Variants in KIF5B observed in about 807,000 individuals in gnomAD.
KIF5B encodes kinesin-1 heavy chain.
Under a neutral mutation model 132.8 loss-of-function variants are expected in KIF5B, and 49 were observed. The observed-to-expected ratio is 0.37, with a 90% CI of 0.29 to 0.47. The LOEUF (loss-of-function observed/expected upper bound fraction) is 0.47. KIF5B is among the 20% of genes least tolerant of loss of function. The probability of loss-of-function intolerance (pLI) is 1.00; values close to 1 mark genes in which losing one functional copy is unlikely to be tolerated. For missense variants in KIF5B, 780 were observed against 1,144.0 expected, an observed-to-expected ratio of 0.68 and a Z score of 4.59; for synonymous variants, 355 against 369.4, an observed-to-expected ratio of 0.96 and a Z score of 0.45.
chr10:32,041,794 A>G (rs1841542697), intron 2 of KIF5B, among the ~76,000 whole-genome samples: 2 of 151,994 alleles, frequency 1.3e-5, no homozygotes, highest in African/African-American at 4.8e-5. Flanking sequence ...GGCTAATTCT[A>G]AAAAAAATTT....
rs1311263702 is a variant in KIF5B at position 32,022,750 on chromosome 10, T to C, written c.1914+98A>G. ...AGACTAGGAAAAAAACAACTAAATTTCACCTATAGACACACATTTTTCTGA... is the reference window on the plus strand; with the variant it reads ...AGACTAGGAAAAAAACAACTAAATTCCACCTATAGACACACATTTTTCTGA... On this transcript the variant is annotated intron_variant, in intron 16 of 25. Coordinates refer to ENST00000302418, the MANE Select transcript of KIF5B (RefSeq NM_004521.3). The C allele has an allele frequency of 7.3e-6, 6 of 817,316 alleles. No homozygotes were observed. The African/African-American group carries it at 1.0e-4, about 14-fold the overall frequency. 50.6% of individuals were successfully genotyped at this position (817,316 alleles called of 1,614,324 possible).
At chr10:32,043,592 A>G (rs1371758466) in intron 2 of KIF5B, among the ~76,000 whole-genome samples, 1 of 152,238 alleles carries the variant, frequency 6.6e-6, no homozygotes, top group African/African-American at 2.4e-5. Context: ...CAAAGACCTG[A>G]TGAGATGCTT....
At chr10:32,052,236 G>C (rs943939591) in intron 1 of KIF5B, among the ~76,000 whole-genome samples, 1 of 152,178 alleles carries the variant, frequency 6.6e-6, no homozygotes, top group Non-Finnish European at 1.5e-5. Flanking sequence ...TATTATATTA[G>C]ATTTTCCTTA....
chr10:32,052,887 G>C (rs543818165), intron 1 of KIF5B, among the ~76,000 whole-genome samples: 1 of 152,146 alleles, frequency 6.6e-6, no homozygotes, highest in East Asian at 1.9e-4. Context: ...GCCTGCCATG[G>C]TGTCATATTA....
rs764762832 is a variant in KIF5B, at chr10:32,031,128, A to G, written c.1526T>C (p.Val509Ala). The change falls in exon 14 of 26, where the codon GTT (valine) becomes GCT (alanine). Residue 509 changes from valine (V) to alanine (A), a missense_variant. This residue lies in a region of KIF5B where 471 missense variants were observed against 569.9 expected (regional missense o/e 0.83). Transcript: ENST00000302418. ...AVNYDQKSQE[V>A]EDKTKEYELL... is the part of the protein sequence containing the mutation. ...TTCATATTCCTTAGTTTTGTCTTCA[A>G]CTTCCTGAGACTTCTGATCATAATT... is the stretch of plus-strand genomic sequence containing the variant. The G allele has an allele frequency of 5.2e-5, 84 of 1,613,864 alleles. No individual in the cohort carries two copies. In the Admixed American group the frequency reaches 1.4e-3, roughly 27 times the overall value.
intron 2 of KIF5B, among the ~76,000 whole-genome samples, chr10:32,042,718 C>A (rs1239991600): frequency 1.3e-5 from 2 of 152,164 alleles, no homozygotes; most frequent in Non-Finnish European, 2.9e-5. Context: ...AGGTGGACAA[C>A]TCTGAACAAG....
intron 1 of KIF5B, among the ~76,000 whole-genome samples, chr10:32,053,796 T>TA (rs1036833910): frequency 1.6e-4 from 24 of 152,086 alleles, no homozygotes; most frequent in African/African-American, 5.8e-4. Context: ...CTTATCAGCT[T>TA]ACCTAAAGGT....
chr10:32,020,829 G>C (rs530872243), intron 19 of KIF5B, among the ~76,000 whole-genome samples, 193 bp downstream of exon 19: 2 of 151,806 alleles, frequency 1.3e-5, no homozygotes, highest in African/African-American at 4.8e-5. Flanking sequence ...GAATAATTTA[G>C]ATCAAAAGAC....
At position 32,032,673 on chromosome 10, in the gene KIF5B, T is replaced by A. The variant is rs184295555; in HGVS notation, c.1374+33A>T. On this transcript the variant is annotated intron_variant, in intron 13 of 25. Coordinates refer to ENST00000302418, the MANE Select transcript of KIF5B (RefSeq NM_004521.3). ...TTCAGAAAACAAAACTATAAAGCTT[T>A]TCTGGAAGCAATGTAAAAGGTATTC... The A allele has an allele frequency of 2.5e-5, 39 of 1,550,366 alleles. No individual in the cohort carries two copies. The African/African-American group carries it at 5.0e-4, about 20-fold the overall frequency.
At chr10:32,036,050 A>G (rs1413068659) in intron 8 of KIF5B, 56 bp from the exon 9 acceptor site, 2 of 1,221,906 alleles carry the variant, frequency 1.6e-6, no homozygotes, top group South Asian at 3.2e-5. Flanking sequence ...AATTTTCTTT[A>G]CATTTTCTAA....
At chr10:32,024,146 CTTTTTTTTTT>C (rs769483155) in intron 15 of KIF5B, among the ~76,000 whole-genome samples, 9 of 69,744 alleles carry the variant, frequency 1.3e-4, no homozygotes, top group African/African-American at 3.7e-4. Context: ...ATGAAGAACT[CTTTTTTTTTT>C]TTTTTTTTTT....
intron 20 of KIF5B, among the ~76,000 whole-genome samples, 168 bp from the exon 21 acceptor site, chr10:32,018,730 AT>A (rs869060587): frequency 3.3e-4 from 49 of 147,642 alleles, no homozygotes; most frequent in Middle Eastern, 3.5e-3. Context: ...CAAAAAAAAA[AT>A]TTTTTTTTTT....
At position 32,009,748 on chromosome 10, in the gene KIF5B, C is replaced by G. The variant is rs1190563380; in HGVS notation, c.*1789G>C. 1 of 152,126 alleles carries G rather than the reference C, an allele frequency of 6.6e-6. No homozygotes were observed. The highest frequency in any genetic ancestry group is 1.5e-5 in the Non-Finnish European group (1 of 68,012). The allele number at this position is 152,126 out of a possible 1,614,324, so 9.4% of individuals were successfully genotyped here. A position where few individuals can be genotyped will look rare whatever the true frequency, so the allele number is the denominator to read the frequency against. On this transcript the variant is annotated 3_prime_UTR_variant, in exon 26 of 26. Transcript: ENST00000302418. ...AACATAAAGGTCTATGTGGATGCAG[C>G]CAAATGTTTCTCCATTTAGAAAATC... is the stretch of plus-strand genomic sequence containing the variant.
At chr10:32,040,547 A>C (rs2132607588) in intron 2 of KIF5B, 90 bp from the exon 3 acceptor site, 2 of 723,076 alleles carry the variant, frequency 2.8e-6, no homozygotes, top group Middle Eastern at 2.7e-4. Context: ...CAGGGTAGAG[A>C]AAAGGTTAAA....
At chr10:32,052,017 C>T (rs979144970) in intron 1 of KIF5B, among the ~76,000 whole-genome samples, 1 of 152,172 alleles carries the variant, frequency 6.6e-6, no homozygotes, top group Non-Finnish European at 1.5e-5. Flanking sequence ...GATGCATTCA[C>T]GTCTGATTGA....
chr10:32,031,800 C>T (rs1225151070), intron 13 of KIF5B, among the ~76,000 whole-genome samples: 1 of 147,602 alleles, frequency 6.8e-6, no homozygotes, highest in Admixed American at 6.8e-5. Flanking sequence ...AGTTTGAGAC[C>T]AGCCTGACCA....
chr10:32,054,675 T>A (rs963835587), intron 1 of KIF5B, among the ~76,000 whole-genome samples: 9 of 152,212 alleles, frequency 5.9e-5, no homozygotes, highest in Non-Finnish European at 1.3e-4. Flanking sequence ...CATACCATGG[T>A]AACAATGTAG....
chr10:32,048,058 G>A (rs1841637028), intron 2 of KIF5B, among the ~76,000 whole-genome samples: 1 of 152,184 alleles, frequency 6.6e-6, no homozygotes, highest in South Asian at 2.1e-4. Context: ...AGTCTTTGGG[G>A]AAGGAATAAC....
In KIF5B at chr10:32,009,226, A is replaced by AG. The variant is rs1841035036; in HGVS notation, c.*2310dup. On this transcript the variant is annotated 3_prime_UTR_variant, in exon 26 of 26. Transcript: ENST00000302418. ...GCACAAACTGAGAGTTACGCACAGTAGTTTTCTTAAGTTAGGCAAATAATT... is the reference window on the plus strand; with the variant it reads ...GCACAAACTGAGAGTTACGCACAGTAGGTTTTCTTAAGTTAGGCAAATAATT... The AG allele has an allele frequency of 6.6e-6, 1 of 152,206 alleles. No individual in the cohort carries two copies. The highest frequency in any genetic ancestry group is 2.4e-5 in the African/African-American group (1 of 41,456). The allele number at this position is 152,206 out of a possible 1,614,324, so 9.4% of individuals were successfully genotyped here. A position where few individuals can be genotyped will look rare whatever the true frequency, so the allele number is the denominator to read the frequency against.
Sources: gnomAD v4.1 joint callset for allele counts (sites outside exome capture counted in the v4.1 genomes callset) on GRCh38, gnomAD v4.1.1 for gene constraint, gnomAD v4.1.1 regional missense constraint, MANE v1.5 for transcripts, NCBI Gene and HGNC (gene_info 2026-07-23, HGNC 2026-07-21) for gene names.